Variants in ILDR2 observed in about 807,000 individuals in gnomAD.
ILDR2 encodes immunoglobulin like domain containing receptor 2, also known as immunoglobulin-like domain-containing receptor 2.
Under a neutral mutation model 66.8 loss-of-function variants are expected in ILDR2, and 25 were observed. The ratio of observed to expected loss-of-function variants is 0.37; its 90% CI spans 0.27 to 0.52. The LOEUF (loss-of-function observed/expected upper bound fraction) is 0.52, where lower values mean the gene tolerates loss of function less well. Among genes scored for constraint, ILDR2 ranks in the 20% least tolerant of loss-of-function variants. The pLI, the probability that ILDR2 is intolerant of heterozygous loss-of-function variation, is 0.88. For synonymous variants in ILDR2, 367 were observed against 357.2 expected, an observed-to-expected ratio of 1.03 and a Z score of -0.31; for missense variants, 827 against 876.8, an observed-to-expected ratio of 0.94 and a Z score of 0.72.
chr1:166,932,491 G>T (rs553712100), intron 6 of ILDR2, among the ~76,000 whole-genome samples: 1 of 152,324 alleles, frequency 6.6e-6, no homozygotes, highest in East Asian at 1.9e-4. Context: ...TGACAGGAAG[G>T]AGTCACTAAA....
intron 1 of ILDR2, among the ~76,000 whole-genome samples, chr1:166,971,984 G>T (rs1193009129): frequency 6.6e-6 from 1 of 152,074 alleles, no homozygotes; most frequent in African/African-American, 2.4e-5. Flanking sequence ...GGCCAAGGAG[G>T]GCATATCACC....
chr1:166,972,378 G>C (rs1324342182), intron 1 of ILDR2, among the ~76,000 whole-genome samples: 1 of 152,176 alleles, frequency 6.6e-6, no homozygotes, highest in Admixed American at 6.5e-5. Context: ...GCCAGGAAAG[G>C]ATAAAACACC....
chr1:166,949,229 G>T (rs1015402646), intron 3 of ILDR2, among the ~76,000 whole-genome samples: 2 of 152,232 alleles, frequency 1.3e-5, no homozygotes, highest in Non-Finnish European at 2.9e-5. Flanking sequence ...CCCACAAGTT[G>T]TGACAACCAA....
chr1:166,951,098 CT>C (rs1445009443), intron 3 of ILDR2, among the ~76,000 whole-genome samples: 1 of 152,198 alleles, frequency 6.6e-6, no homozygotes. Flanking sequence ...GGAAGTTACT[CT>C]TTTTCACTTT....
At chr1:166,929,735 G>A (rs1162531295) in intron 6 of ILDR2, among the ~76,000 whole-genome samples, 2 of 152,154 alleles carry the variant, frequency 1.3e-5, no homozygotes, top group African/African-American at 4.8e-5. Context: ...ATGAAGGAAT[G>A]AGTGAATGAA....
chr1:166,919,704 T>C (rs1659786964), intron 9 of ILDR2, among the ~76,000 whole-genome samples: 1 of 152,256 alleles, frequency 6.6e-6, no homozygotes, highest in Admixed American at 6.5e-5. Flanking sequence ...TGAAAGTTTC[T>C]TCCCTACTCA....
downstream of ILDR2, among the ~76,000 whole-genome samples, chr1:166,904,924 CA>C (rs1659315376): frequency 6.6e-6 from 1 of 152,164 alleles, no homozygotes; most frequent in Non-Finnish European, 1.5e-5. Flanking sequence ...TCATGCCAAG[CA>C]TGGAGACACC....
At position 166,927,188 on chromosome 1, in the gene ILDR2, GA is replaced by G; in HGVS notation, c.881-9del. 1 of 1,592,676 alleles carries G rather than the reference GA, an allele frequency of 6.3e-7. No individual in the cohort carries two copies. The highest frequency in any genetic ancestry group is 8.6e-7 in the Non-Finnish European group (1 of 1,163,846). On this transcript the variant is annotated splice_polypyrimidine_tract_variant and intron_variant, in intron 6 of 9. Transcript: ENST00000271417. ...TCCGGTAACCTTTGCGAACTGTTGAGAAAAGCACAAGAAGGTGAGCTGAAAA... is the reference window on the plus strand; with the variant it reads ...TCCGGTAACCTTTGCGAACTGTTGAGAAAGCACAAGAAGGTGAGCTGAAAA...
At chr1:166,946,972 T>C (rs1661648646) in intron 3 of ILDR2, among the ~76,000 whole-genome samples, 1 of 152,192 alleles carries the variant, frequency 6.6e-6, no homozygotes, top group Non-Finnish European at 1.5e-5. Flanking sequence ...GAATACATCA[T>C]AACACAGTAT....
chr1:166,965,347 G>A (rs1330536507), intron 1 of ILDR2, among the ~76,000 whole-genome samples: 5 of 151,958 alleles, frequency 3.3e-5, no homozygotes, highest in Admixed American at 2.6e-4. Context: ...CATAGCCTGA[G>A]GGTAATTTTA....
In ILDR2 at chr1:166,920,695, A is replaced by G. The variant is rs533045072; in HGVS notation, c.1884+12T>C. 83 of 1,380,634 alleles carry G rather than the reference A, an allele frequency of 6.0e-5. No homozygotes were observed. Among genetic ancestry groups the G allele is most frequent in the Non-Finnish European group, 1.9e-6 (2 of 1,062,724 alleles). 85.5% of individuals were successfully genotyped at this position (1,380,634 alleles called of 1,614,324 possible). A position where few individuals can be genotyped will look rare whatever the true frequency, so the allele number is the denominator to read the frequency against. Reference sequence around the variant, plus strand: ...AGTCCCCTCGGAGGAGGGGAGGCAGACGCAGTCTCACGGTTTTCTTGGCGG... The same window carrying G: ...AGTCCCCTCGGAGGAGGGGAGGCAGGCGCAGTCTCACGGTTTTCTTGGCGG... On this transcript the variant is annotated intron_variant, in intron 9 of 9. Transcript: ENST00000271417.
chr1:166,937,430 G>A (rs544188739), intron 4 of ILDR2, among the ~76,000 whole-genome samples: 2 of 152,230 alleles, frequency 1.3e-5, no homozygotes, highest in Non-Finnish European at 2.9e-5. Flanking sequence ...CCCGTGAACA[G>A]AGAATGAGTT....
chr1:166,920,836 G>T lies in ILDR2; in HGVS notation c.1755C>A (p.Asp585Glu). Residue 585 changes from aspartate to glutamate, a missense_variant, in exon 9 of 10, where the codon GAC becomes GAA. Coordinates refer to ENST00000271417, the MANE Select transcript of ILDR2 (RefSeq NM_199351.3). Reference sequence around the variant, plus strand: ...AGGGCGGCAGCGCGTCGTCGGACGCGTCCTCCTGGTCGTCCTGCGACGAGC... The same window carrying T: ...AGGGCGGCAGCGCGTCGTCGGACGCTTCCTCCTGGTCGTCCTGCGACGAGC... ...KAGSSQDDQE[D>E]ASDDALPPYS... is the part of the protein sequence containing the mutation. 2.0e-6 allele frequency: 3 copies of T among 1,516,016 alleles called. No homozygotes were observed. Among genetic ancestry groups the T allele is most frequent in the Non-Finnish European group, 2.6e-6 (3 of 1,135,624 alleles). 93.9% of individuals were successfully genotyped at this position (1,516,016 alleles called of 1,614,324 possible). A position where few individuals can be genotyped will look rare whatever the true frequency, so the allele number is the denominator to read the frequency against.
chr1:166,950,428 A>G (rs755366582), intron 3 of ILDR2, among the ~76,000 whole-genome samples: 1 of 152,152 alleles, frequency 6.6e-6, no homozygotes, highest in Non-Finnish European at 1.5e-5. Context: ...GAGGGGAAAC[A>G]TTGGCAACAA....
intron 1 of ILDR2, among the ~76,000 whole-genome samples, chr1:166,966,279 T>C (rs142305204): frequency 3.0e-4 from 45 of 152,340 alleles, no homozygotes; most frequent in African/African-American, 1.1e-3. Flanking sequence ...CCTTTCCTGC[T>C]TAATTTGGCC....
chr1:166,946,529 AG>A (rs1427987070), intron 3 of ILDR2, among the ~76,000 whole-genome samples: 1 of 152,184 alleles, frequency 6.6e-6, no homozygotes, highest in Non-Finnish European at 1.5e-5. Flanking sequence ...GCTTGGCCTA[AG>A]GAGCTGACTT....
intron 3 of ILDR2, 130 bp from the exon 4 acceptor site, chr1:166,939,700 C>T: frequency 1.5e-6 from 1 of 686,054 alleles, no homozygotes; most frequent in Non-Finnish European, 2.6e-6. Context: ...ATATGAGAAG[C>T]ACATCACCAA....
At chr1:166,942,047 T>C (rs1661339291) in intron 3 of ILDR2, among the ~76,000 whole-genome samples, 1 of 152,238 alleles carries the variant, frequency 6.6e-6, no homozygotes, top group East Asian at 1.9e-4. Context: ...GGCAAATTAC[T>C]TTCCCTTTCA....
At position 166,909,131 on chromosome 1, in the gene ILDR2, A is replaced by C. The variant is rs900968521; in HGVS notation, c.*10224T>G. 2.0e-5 allele frequency: 3 copies of C among 152,198 alleles called. No homozygotes were observed. Among genetic ancestry groups the C allele is most frequent in the African/African-American group, 4.8e-5 (2 of 41,434 alleles). 9.4% of individuals were successfully genotyped at this position (152,198 alleles called of 1,614,324 possible). A position where few individuals can be genotyped will look rare whatever the true frequency, so the allele number is the denominator to read the frequency against. On this transcript the variant is annotated 3_prime_UTR_variant, in exon 10 of 10. Coordinates refer to ENST00000271417, the MANE Select transcript of ILDR2 (RefSeq NM_199351.3). ...ACATCTCTGGCCACATGATTAGCTC[A>C]GATATGGGCACATGACTCAATATGA...
Sources: allele counts gnomAD v4.1 joint callset (sites outside exome capture counted in the v4.1 genomes callset), GRCh38; gene constraint gnomAD v4.1.1; transcripts MANE v1.5; gene names NCBI Gene and HGNC (gene_info 2026-07-23, HGNC 2026-07-21).